Variants in CGNL1 observed in about 807,000 individuals in gnomAD.
The protein encoded by CGNL1 is cingulin like 1, also known as cingulin-like protein 1.
Under a neutral mutation model 141.2 loss-of-function variants are expected in CGNL1, and 132 were observed. The ratio of observed to expected loss-of-function variants is 0.93; its 90% CI spans 0.81 to 1.08. The LOEUF (loss-of-function observed/expected upper bound fraction) is 1.08. Ranked by LOEUF, CGNL1 falls within the 50% of genes least tolerant of loss-of-function variation. The probability of loss-of-function intolerance (pLI) is 0.00; values close to 1 mark genes in which losing one functional copy is unlikely to be tolerated. For missense variants in CGNL1, 1,870 were observed against 1,588.6 expected, an observed-to-expected ratio of 1.18 and a Z score of -3.01; for synonymous variants, 690 against 622.1, an observed-to-expected ratio of 1.11 and a Z score of -1.63.
At chr15:57,541,444 C>T (rs1307737310) in intron 14 of CGNL1, among the ~76,000 whole-genome samples, 2 of 152,236 alleles carry the variant, frequency 1.3e-5, no homozygotes, top group Admixed American at 6.5e-5. Flanking sequence ...TCCCCTTGCA[C>T]TTTGTGCTGG....
At chr15:57,423,636 G>A (rs1174732513) in intron 1 of CGNL1, among the ~76,000 whole-genome samples, 1 of 152,146 alleles carries the variant, frequency 6.6e-6, no homozygotes, top group Non-Finnish European at 1.5e-5. Context: ...GGTAGCCTTT[G>A]GCTTACCTGA....
chr15:57,516,797 G>A lies in CGNL1; in HGVS notation c.2421G>A (p.Ala807=), dbSNP rs76645518. 1.4e-4 allele frequency: 233 copies of A among 1,614,108 alleles called. 1 individual carries two copies. The Admixed American group carries it at 3.5e-3, about 25-fold the overall frequency. The change falls in exon 9 of 19, where the codon GCG becomes GCA. Residue 807 remains alanine (A), a synonymous_variant. Coordinates refer to ENST00000281282, the MANE Select transcript of CGNL1 (RefSeq NM_032866.5). ...EEATKNVEVL[A]SRSNTSEQDQ... ...TTTAACAGAATGTCGAGGTCTTGGC[G>A]AGCAGGAGCAACACTTCAGAGCAAG...
chr15:57,398,999 C>A (rs1319464500), intron 1 of CGNL1, among the ~76,000 whole-genome samples: 5 of 152,090 alleles, frequency 3.3e-5, no homozygotes, highest in African/African-American at 7.2e-5. Flanking sequence ...ATTGTACATA[C>A]TTATGAGAAA....
At chr15:57,425,183 G>T (rs1189202840) in intron 1 of CGNL1, among the ~76,000 whole-genome samples, 1 of 152,092 alleles carries the variant, frequency 6.6e-6, no homozygotes, top group Non-Finnish European at 1.5e-5. Context: ...AAAACTGCTT[G>T]TAGGAAGCTA....
intron 8 of CGNL1, among the ~76,000 whole-genome samples, chr15:57,473,304 C>G (rs567499189): frequency 2.6e-4 from 40 of 152,266 alleles, no homozygotes; most frequent in African/African-American, 9.1e-4. Flanking sequence ...TTGCCAAGAT[C>G]ATTAAGTAGA....
chr15:57,380,644 G>T (rs747375146), intron 1 of CGNL1, among the ~76,000 whole-genome samples: 2 of 152,132 alleles, frequency 1.3e-5, no homozygotes. Context: ...GGAAATGTCC[G>T]ACTCCAGGAG....
At chr15:57,462,523 G>T (rs2063460386) in intron 8 of CGNL1, among the ~76,000 whole-genome samples, 1 of 152,174 alleles carries the variant, frequency 6.6e-6, no homozygotes, top group Non-Finnish European at 1.5e-5. Context: ...ACAGTATTTT[G>T]AAGGGGAAAA....
At chr15:57,391,504 G>A (rs1169446251) in intron 1 of CGNL1, among the ~76,000 whole-genome samples, 1 of 152,202 alleles carries the variant, frequency 6.6e-6, no homozygotes, top group East Asian at 1.9e-4. Flanking sequence ...ACTCTCACAT[G>A]TGCTGAGTGT....
rs559622219 is a variant in CGNL1 at position 57,504,646 on chromosome 15, C to CA, written c.2404-12134_2404-12133insA. Among the ~76,000 whole-genome samples the CA allele has an allele frequency of 1.5e-3, 223 of 152,278 alleles. 2 individuals carry two copies. The highest frequency in any genetic ancestry group is 4.6e-3 in the African/African-American group (190 of 41,544). On this transcript the variant is annotated intron_variant, in intron 8 of 18. Transcript: ENST00000281282. Reference sequence around the variant, plus strand: ...GTTGGTTGCTTTGTTCCTGAGTCCCCGGGGGACCCAGGTGTTGGTGATCTC... The same window carrying CA: ...GTTGGTTGCTTTGTTCCTGAGTCCCCAGGGGGACCCAGGTGTTGGTGATCTC...
intron 8 of CGNL1, among the ~76,000 whole-genome samples, chr15:57,516,104 A>G (rs897821717): frequency 1.4e-5 from 2 of 142,654 alleles, no homozygotes; most frequent in Non-Finnish European, 3.0e-5. Context: ...GCTTGCAGTG[A>G]GCCGACATCG....
At chr15:57,407,941 G>T (rs1167052133) in intron 1 of CGNL1, among the ~76,000 whole-genome samples, 1 of 151,796 alleles carries the variant, frequency 6.6e-6, no homozygotes, top group Non-Finnish European at 1.5e-5. Flanking sequence ...TAGAGATGGG[G>T]TTTCACCATG....
At chr15:57,391,628 CAAAAAGTGGTT>C (rs1280772211) in intron 1 of CGNL1, among the ~76,000 whole-genome samples, 1 of 152,102 alleles carries the variant, frequency 6.6e-6, no homozygotes, top group African/African-American at 2.4e-5. Flanking sequence ...ATAAAAACAG[CAAAAAGTGGTT>C]AAAAAGTGGT....
chr15:57,448,633 G>T (rs1241889087), intron 4 of CGNL1, among the ~76,000 whole-genome samples: 1 of 151,890 alleles, frequency 6.6e-6, no homozygotes, highest in African/African-American at 2.4e-5. Context: ...GGATGACAGA[G>T]CAAGACTCTG....
chr15:57,381,797 G>T (rs2431035), intron 1 of CGNL1, among the ~76,000 whole-genome samples: 2 of 152,062 alleles, frequency 1.3e-5, no homozygotes, highest in Non-Finnish European at 2.9e-5. Flanking sequence ...TCCTCTACGT[G>T]AGGTAGAGGA....
chr15:57,435,195 T>G (rs1200670768), intron 1 of CGNL1, among the ~76,000 whole-genome samples: 1 of 152,130 alleles, frequency 6.6e-6, no homozygotes, highest in African/African-American at 2.4e-5. Flanking sequence ...TGTAAGACCA[T>G]AGTATATAAT....
chr15:57,493,916 G>C (rs2063901301), intron 8 of CGNL1, among the ~76,000 whole-genome samples: 1 of 152,214 alleles, frequency 6.6e-6, no homozygotes, highest in Non-Finnish European at 1.5e-5. Context: ...GAGCTAAGAA[G>C]ATAAGCAAGA....
chr15:57,410,890 A>G (rs1351073042), intron 1 of CGNL1, among the ~76,000 whole-genome samples: 1 of 152,234 alleles, frequency 6.6e-6, no homozygotes, highest in African/African-American at 2.4e-5. Context: ...TGTCAGATTC[A>G]GTGGGGAAAA....
intron 1 of CGNL1, among the ~76,000 whole-genome samples, chr15:57,382,146 C>G (rs1308561714): frequency 6.6e-6 from 1 of 152,176 alleles, no homozygotes; most frequent in Non-Finnish European, 1.5e-5. Context: ...AAAAACAAAA[C>G]TTTGCTGCAT....
At chr15:57,427,985 C>G (rs1343635817) in intron 1 of CGNL1, among the ~76,000 whole-genome samples, 2 of 145,936 alleles carry the variant, frequency 1.4e-5, no homozygotes, top group African/African-American at 5.1e-5. Context: ...TTTTTTTTTT[C>G]TTTTACATTG....
Sources: gnomAD v4.1 joint callset for allele counts (sites outside exome capture counted in the v4.1 genomes callset) on GRCh38, gnomAD v4.1.1 for gene constraint, MANE v1.5 for transcripts, NCBI Gene and HGNC (gene_info 2026-07-23, HGNC 2026-07-21) for gene names.